BSN: variants seen among roughly 807,000 people sequenced by gnomAD.
BSN encodes the protein protein bassoon.
BSN carries 57 observed loss-of-function variants against 264.8 expected under a neutral mutation model. The ratio of observed to expected loss-of-function variants is 0.22; its 90% confidence interval spans 0.17 to 0.27. The LOEUF (loss-of-function observed/expected upper bound fraction) is 0.27. Ranked by LOEUF, BSN falls within the 10% of genes least tolerant of loss-of-function variation. BSN has a pLI of 1.00. For synonymous variants in BSN, 2,059 were observed against 2,137.3 expected (o/e 0.96, Z 1.01); for missense variants, 4,615 against 5,232.5 (o/e 0.88, Z 3.64).
In BSN at chr3:49,651,193, C is replaced by A; in HGVS notation, c.1986+114C>A. On this transcript the variant is annotated intron_variant, in intron 4 of 11. Transcript: ENST00000296452. This position sits in a 1 kb window ranked among gnomAD's most constrained non-coding sequence, Gnocchi z 5.4. ...GCTCAGGACAGGTGCCTTGGGGCCA[C>A]ACAGGAGGGAAGGGACACAGTAGAA... The A allele has an allele frequency of 9.5e-7, 1 of 1,057,330 alleles. No homozygotes were observed. The highest frequency in any genetic ancestry group is 1.3e-6 in the Non-Finnish European group (1 of 751,596). The allele number at this position is 1,057,330 out of a possible 1,614,324, so 65.5% of individuals were successfully genotyped here. A position where few individuals can be genotyped will look rare whatever the true frequency, so the allele number is the denominator to read the frequency against.
At chr3:49,599,786 T>C (rs1438403936) in intron 1 of BSN, among the ~76,000 whole-genome samples, 3 of 152,224 alleles carry the variant, frequency 2.0e-5, no homozygotes, top group Non-Finnish European at 4.4e-5. Context: ...TAAAATATAC[T>C]GTAACTCCTC....
At chr3:49,617,653 G>C (rs1271528757) in intron 1 of BSN, among the ~76,000 whole-genome samples, 1 of 152,180 alleles carries the variant, frequency 6.6e-6, no homozygotes, top group Non-Finnish European at 1.5e-5. Context: ...TATTTTGGCG[G>C]AGACCTTTGT....
chr3:49,569,955 C>T (rs748533999), intron 1 of BSN, among the ~76,000 whole-genome samples: 30 of 152,138 alleles, frequency 2.0e-4, no homozygotes, highest in Non-Finnish European at 4.3e-4. Context: ...AGTTCCAGGT[C>T]TGGGGCTGCT....
intron 2 of BSN, among the ~76,000 whole-genome samples, chr3:49,635,925 G>A (rs2052416842): frequency 1.3e-5 from 2 of 150,442 alleles, no homozygotes; most frequent in Non-Finnish European, 2.9e-5. Context: ...GTTGCAGAGA[G>A]CCATGATCAT....
Position 49,655,502 on chromosome 3 carries a change from C to T in BSN, c.5946C>T (p.Ser1982=), listed in dbSNP as rs1389321701. Residue 1982 remains serine, a synonymous_variant, in exon 5 of 12, where the codon TCC becomes TCT. Transcript: ENST00000296452. ...AAGGCCTGCCTGGTAGGCTGTACTC[C>T]TCCATGTCTGACACCAATTTGGCTG... ...YPQGLPGRLY[S]SMSDTNLAEA... 1 of 1,606,332 alleles carries T rather than the reference C, an allele frequency of 6.2e-7. No individual in the cohort carries two copies.
intron 1 of BSN, among the ~76,000 whole-genome samples, chr3:49,619,871 C>G (rs879450313): frequency 7.2e-5 from 11 of 152,264 alleles, no homozygotes; most frequent in Admixed American, 7.2e-4. Context: ...TTAGTGCTTA[C>G]AGTCACCCCA....
chr3:49,656,819 C>T lies in BSN; in HGVS notation c.7263C>T (p.Thr2421=), dbSNP rs2052607068. The T allele has an allele frequency of 6.3e-7, 1 of 1,596,922 alleles. No homozygotes were observed. The highest frequency in any genetic ancestry group is 1.8e-5 in the Admixed American group (1 of 56,800). The change falls in exon 5 of 12, where the codon ACC becomes ACT. Residue 2421 remains threonine (T), a synonymous_variant. Coordinates refer to ENST00000296452, the MANE Select transcript of BSN (RefSeq NM_003458.4). ...AGCGGGAGTTGCAGGAGCTGCAGAC[C>T]ATCAAGCACCATGTGCTGCAGCAGC... The part of the protein sequence containing the change: ...LVQRELQELQ[T]IKHHVLQQQQ...
At position 49,657,871 on chromosome 3, in the gene BSN, C is replaced by T. The variant is rs2108090584; in HGVS notation, c.8315C>T (p.Ala2772Val). ...GATCCCCTGGAGATTGGGTACCAGG[C>T]CCACCTGCCTCCGGAGTCTCTCTCA... ...KPDPLEIGYQ[A>V]HLPPESLSQL... is the part of the protein sequence containing the mutation. Residue 2772 changes from alanine (A) to valine (V), a missense_variant, in exon 5 of 12, where the codon GCC becomes GTC. This residue lies in a region of BSN where 3,415 missense variants were observed against 3,866.4 expected (regional missense o/e 0.88). Transcript: ENST00000296452. 3.7e-6 allele frequency: 6 copies of T among 1,613,370 alleles called. No homozygotes were observed. Among genetic ancestry groups the T allele is most frequent in the East Asian group, 4.5e-5 (2 of 44,878 alleles).
At chr3:49,566,228 T>C (rs2051751126) in intron 1 of BSN, among the ~76,000 whole-genome samples, 3 of 152,240 alleles carry the variant, frequency 2.0e-5, no homozygotes, top group African/African-American at 7.2e-5. Flanking sequence ...CTTGCTCCTT[T>C]TGTTTTCAAA....
At chr3:49,636,224 G>A (rs995780877) in intron 2 of BSN, among the ~76,000 whole-genome samples, 2 of 152,152 alleles carry the variant, frequency 1.3e-5, no homozygotes, top group Admixed American at 1.3e-4. Flanking sequence ...AAGAGGCGAG[G>A]GCCAAGGACT....
intron 3 of BSN, 85 bp from the exon 4 acceptor site, chr3:49,650,527 G>C (rs1559613820): frequency 2.3e-6 from 3 of 1,317,448 alleles, no homozygotes; most frequent in Non-Finnish European, 3.2e-6. Flanking sequence ...CCTCCCTAAG[G>C]TTACAGAAAT....
Position 49,661,607 on chromosome 3 carries a change from G to A in BSN, c.9762G>A (p.Leu3254=), listed in dbSNP as rs1374211114. 6.2e-7 allele frequency: 1 copy of A among 1,613,694 alleles called. No individual in the cohort carries two copies. The highest frequency in any genetic ancestry group is 1.7e-5 in the Admixed American group (1 of 60,036). ...CTACTGCTCCTGATAGCCAACGGCT[G>A]GAGCCCCTGGGGCCAGGCAGCAGTG... ...STSTAPDSQR[L]EPLGPGSSGR... The change falls in exon 6 of 12, where the codon CTG becomes CTA. Residue 3254 remains leucine (L), a synonymous_variant. Transcript: ENST00000296452.
Position 49,660,775 on chromosome 3 carries a change from A to G in BSN, c.8930A>G (p.Lys2977Arg). The G allele has an allele frequency of 6.2e-7, 1 of 1,613,258 alleles. No individual in the cohort carries two copies. Among genetic ancestry groups the G allele is most frequent in the Non-Finnish European group, 8.5e-7 (1 of 1,180,010 alleles). Reference protein sequence around the residue: ...EEEKEIDAKLKYLELGITQRK... With the variant: ...EEEKEIDAKLRYLELGITQRK... Reference sequence around the variant, plus strand: ...GAGAAGGAGATTGACGCCAAGCTCAAGTACCTGGAGTTGGGTATCACACAA... The same window carrying G: ...GAGAAGGAGATTGACGCCAAGCTCAGGTACCTGGAGTTGGGTATCACACAA... The change falls in exon 6 of 12, where the codon AAG becomes AGG. Residue 2977 changes from lysine to arginine, a missense_variant. Physicochemically the swap from Lys to Arg is conservative, Grantham distance 26. This residue lies in a region of BSN where 3,415 missense variants were observed against 3,866.4 expected (regional missense o/e 0.88). Transcript: ENST00000296452. The surrounding 1 kb of genome is among the most constrained non-coding windows in gnomAD (Gnocchi z 7.1).
chr3:49,578,133 C>T (rs893967814), intron 1 of BSN, among the ~76,000 whole-genome samples: 4 of 152,130 alleles, frequency 2.6e-5, no homozygotes, highest in South Asian at 2.1e-4. Context: ...AATTTAGAAA[C>T]GAATATTGCA....
intron 2 of BSN, among the ~76,000 whole-genome samples, chr3:49,633,431 A>G (rs2052396764): frequency 6.6e-6 from 1 of 152,190 alleles, no homozygotes; most frequent in African/African-American, 2.4e-5. Flanking sequence ...AAATAAATAA[A>G]TGTTGGCAAG....
chr3:49,620,992 G>T (rs1212822548), intron 1 of BSN, among the ~76,000 whole-genome samples: 1 of 152,188 alleles, frequency 6.6e-6, no homozygotes, highest in Non-Finnish European at 1.5e-5. Flanking sequence ...AAACCAGGTG[G>T]GGTGAGGAGG....
In BSN at chr3:49,670,445, C is replaced by CA. The variant is rs1229376356; in HGVS notation, c.*2961dup. ...CTGAGTTTGAAATTCTGACATCTGCCACTCCTCATCCCCCACTGTACCCAC... is the reference window on the plus strand; with the variant it reads ...CTGAGTTTGAAATTCTGACATCTGCCAACTCCTCATCCCCCACTGTACCCAC... On this transcript the variant is annotated 3_prime_UTR_variant, in exon 12 of 12. Transcript: ENST00000296452. 6.6e-6 allele frequency: 1 copy of CA among 152,342 alleles called. No homozygotes were observed. The highest frequency in any genetic ancestry group is 1.5e-5 in the Non-Finnish European group (1 of 68,122). 9.4% of individuals were successfully genotyped at this position (152,342 alleles called of 1,614,324 possible). A position where few individuals can be genotyped will look rare whatever the true frequency, so the allele number is the denominator to read the frequency against.
chr3:49,625,264 A>G lies in BSN; in HGVS notation c.514A>G (p.Ile172Val), dbSNP rs757825714. Residue 172 changes from isoleucine to valine, a missense_variant, in exon 2 of 12, where the codon ATA becomes GTA. Transcript: ENST00000296452. This position sits in a 1 kb window ranked among gnomAD's most constrained non-coding sequence, Gnocchi z 4.4. ...CCTTCCCAGCAGCACGCTGTGTCCC[A>G]TATGCAAGACTTCGGACCTCACGTC... ...APLPSSTLCP[I>V]CKTSDLTSTP... 6.2e-7 allele frequency: 1 copy of G among 1,603,704 alleles called. No individual in the cohort carries two copies. Among genetic ancestry groups the G allele is most frequent in the South Asian group, 1.1e-5 (1 of 89,108 alleles).
intron 2 of BSN, chr3:49,641,552 T>C (rs1007408745): frequency 6.6e-6 from 1 of 152,186 alleles, no homozygotes; most frequent in Non-Finnish European, 1.5e-5. Context: ...CCCACTTCTT[T>C]AAAAAGCTAT....
Sources: allele counts gnomAD v4.1 joint callset (sites outside exome capture counted in the v4.1 genomes callset), GRCh38; gene constraint gnomAD v4.1.1; regional missense constraint gnomAD v4.1.1; non-coding constraint Gnocchi (gnomAD v3.1); transcripts MANE v1.5; gene names NCBI Gene and HGNC (gene_info 2026-07-23, HGNC 2026-07-21).